Variants in PABPC4L observed in about 807,000 individuals in gnomAD.
The protein encoded by PABPC4L is poly(A) binding protein cytoplasmic 4 like.
For missense variants in PABPC4L, 452 were observed against 451.4 expected (o/e 1.00, Z -0.01); for synonymous variants, 169 against 164.1 (o/e 1.03, Z -0.23).
At chr4:134,083,079 C>T in the PABPC4L span, among the ~76,000 whole-genome samples, 82 of 152,126 alleles carry the variant, frequency 5.4e-4, no homozygotes, top group Admixed American at 1.1e-3. Flanking sequence ...CCAACTCTTT[C>T]TAATTTCAAT....
chr4:134,049,042 A>T, the PABPC4L span, among the ~76,000 whole-genome samples: 1 of 152,106 alleles, frequency 6.6e-6, no homozygotes, highest in Non-Finnish European at 1.5e-5. Context: ...TGAAATAGAA[A>T]AGATTGAAGG....
At chr4:134,067,114 C>T in the PABPC4L span, among the ~76,000 whole-genome samples, 1 of 152,078 alleles carries the variant, frequency 6.6e-6, no homozygotes, top group African/African-American at 2.4e-5. Flanking sequence ...AGGAATGTTA[C>T]AAGCCCTTCT....
the PABPC4L span, among the ~76,000 whole-genome samples, chr4:133,992,556 T>C: frequency 1.3e-5 from 2 of 152,068 alleles, no homozygotes; most frequent in African/African-American, 4.8e-5. Context: ...AGGGACCCCA[T>C]TGAGAGTAAG....
At chr4:134,164,379 C>G in the PABPC4L span, among the ~76,000 whole-genome samples, 2 of 150,380 alleles carry the variant, frequency 1.3e-5, no homozygotes, top group Non-Finnish European at 3.0e-5. Flanking sequence ...ATAGAAAATC[C>G]TAAAGACAAC....
chr4:134,064,814 A>C, the PABPC4L span, among the ~76,000 whole-genome samples: 1 of 151,946 alleles, frequency 6.6e-6, no homozygotes, highest in African/African-American at 2.4e-5. Context: ...TATGTACTCA[A>C]TGTTTAGCTC....
chr4:134,072,456 C>G, the PABPC4L span, among the ~76,000 whole-genome samples: 2 of 152,112 alleles, frequency 1.3e-5, no homozygotes, highest in Non-Finnish European at 2.9e-5. Context: ...ATAGGGATAC[C>G]TTGTCAATTT....
At chr4:134,180,816 C>A in the PABPC4L span, among the ~76,000 whole-genome samples, 1 of 151,714 alleles carries the variant, frequency 6.6e-6, no homozygotes, top group East Asian at 1.9e-4. Flanking sequence ...TACAGCCTCC[C>A]AAGTTTGAAC....
the PABPC4L span, among the ~76,000 whole-genome samples, chr4:134,139,729 T>C: frequency 6.6e-6 from 1 of 151,568 alleles, no homozygotes; most frequent in Non-Finnish European, 1.5e-5. Flanking sequence ...CACTTTGCTA[T>C]GCCCAGGCTG....
chr4:134,068,953 A>AACC, the PABPC4L span, among the ~76,000 whole-genome samples: 1 of 152,056 alleles, frequency 6.6e-6, no homozygotes, highest in Non-Finnish European at 1.5e-5. Context: ...CAGGTGATCC[A>AACC]ACCACCTGGG....
the PABPC4L span, among the ~76,000 whole-genome samples, chr4:134,093,811 T>G: frequency 6.6e-6 from 1 of 151,638 alleles, no homozygotes; most frequent in Non-Finnish European, 1.5e-5. Flanking sequence ...TTTATATTGT[T>G]CTTCTATTTG....
chr4:134,047,292 G>A, the PABPC4L span, among the ~76,000 whole-genome samples: 1 of 152,108 alleles, frequency 6.6e-6, no homozygotes, highest in African/African-American at 2.4e-5. Flanking sequence ...GGTTGAAAGA[G>A]CTTTGAAATA....
At chr4:134,078,327 C>G in the PABPC4L span, among the ~76,000 whole-genome samples, 3 of 152,132 alleles carry the variant, frequency 2.0e-5, no homozygotes, top group African/African-American at 7.2e-5. Context: ...ACGTGGGCTG[C>G]TTTCTTTTCT....
chr4:134,026,166 A>G, the PABPC4L span, among the ~76,000 whole-genome samples: 1 of 152,110 alleles, frequency 6.6e-6, no homozygotes, highest in Admixed American at 6.6e-5. Flanking sequence ...TCTCTTATTT[A>G]AAAAAGGGTG....
the PABPC4L span, among the ~76,000 whole-genome samples, chr4:134,133,398 T>C: frequency 2.8e-5 from 4 of 143,810 alleles, no homozygotes; most frequent in East Asian, 4.0e-4. Context: ...TAATAATAAA[T>C]ATTATATATT....
chr4:134,126,204 T>C, the PABPC4L span, among the ~76,000 whole-genome samples: 1 of 152,068 alleles, frequency 6.6e-6, no homozygotes, highest in African/African-American at 2.4e-5. Flanking sequence ...CTTACAAACA[T>C]CACAGCTGAA....
the PABPC4L span, among the ~76,000 whole-genome samples, chr4:134,187,030 C>T: frequency 2.0e-5 from 3 of 151,918 alleles, no homozygotes; most frequent in East Asian, 5.8e-4. Context: ...AATCATTAAA[C>T]AGTCAGGAAA....
At chr4:134,054,288 A>G in the PABPC4L span, among the ~76,000 whole-genome samples, 3 of 117,036 alleles carry the variant, frequency 2.6e-5, no homozygotes, top group South Asian at 8.0e-4. Context: ...ATATATATAT[A>G]TAGTTATGCT....
the PABPC4L span, among the ~76,000 whole-genome samples, chr4:134,069,817 G>A: frequency 6.6e-6 from 1 of 151,792 alleles, no homozygotes; most frequent in African/African-American, 2.4e-5. Context: ...TTCTATTTCT[G>A]TCATTTCAGC....
At chr4:133,955,769 A>G in the PABPC4L span, among the ~76,000 whole-genome samples, 1 of 152,232 alleles carries the variant, frequency 6.6e-6, no homozygotes, top group Non-Finnish European at 1.5e-5. Context: ...ACTGGGGGTT[A>G]TGCCTGTATT....
Sources: allele counts gnomAD v4.1 joint callset (sites outside exome capture counted in the v4.1 genomes callset), GRCh38; gene constraint gnomAD v4.1.1; transcripts MANE v1.5; gene names NCBI Gene and HGNC (gene_info 2026-07-23, HGNC 2026-07-21).